The following WDPCP variants were observed in gnomAD, a reference collection of about 807,000 sequenced individuals.
WDPCP encodes WD repeat containing planar cell polarity effector, also known as WD repeat-containing and planar cell polarity effector protein fritz homolog.
Under a neutral mutation model 93.1 loss-of-function variants are expected in WDPCP, and 71 were observed. The observed-to-expected ratio is 0.76, with a 90% CI of 0.63 to 0.93. The LOEUF is 0.93. Among genes scored for constraint, WDPCP ranks in the 40% least tolerant of loss-of-function variants. The pLI is 0.00. For synonymous variants in WDPCP, 315 were observed against 315.0 expected (o/e 1.00, Z 0.00); for missense variants, 844 against 887.4 (o/e 0.95, Z 0.62).
intron 1 of WDPCP, among the ~76,000 whole-genome samples, chr2:63,530,186 G>C (rs1157671050): frequency 6.6e-6 from 1 of 151,988 alleles, no homozygotes; most frequent in East Asian, 1.9e-4. Flanking sequence ...AGGGTTTTTT[G>C]TGTCTCTATC....
intron 2 of WDPCP, among the ~76,000 whole-genome samples, chr2:63,768,712 G>T (rs1189978101): frequency 6.6e-6 from 1 of 152,026 alleles, no homozygotes; most frequent in Non-Finnish European, 1.5e-5. Flanking sequence ...ATAACACAAG[G>T]CATAATTGAA....
intron 3 of WDPCP, among the ~76,000 whole-genome samples, chr2:63,619,730 C>T (rs1169277147): frequency 6.6e-6 from 1 of 152,214 alleles, no homozygotes; most frequent in Non-Finnish European, 1.5e-5. Flanking sequence ...AAGTGGCTGG[C>T]AAGATGGCCA....
intron 2 of WDPCP, among the ~76,000 whole-genome samples, chr2:63,793,566 G>A (rs1558912087): frequency 6.6e-6 from 1 of 152,134 alleles, no homozygotes; most frequent in East Asian, 1.9e-4. Flanking sequence ...AGCTATGATT[G>A]TGCCATTGCA....
At chr2:63,456,982 TGC>T (rs1451280997) in intron 6 of WDPCP, among the ~76,000 whole-genome samples, 1 of 151,992 alleles carries the variant, frequency 6.6e-6, no homozygotes, top group Admixed American at 6.6e-5. Flanking sequence ...GAGCCGAGGT[TGC>T]TCCACTGCAC....
At chr2:63,330,834 C>T (rs921895033) in intron 12 of WDPCP, among the ~76,000 whole-genome samples, 12 of 147,496 alleles carry the variant, frequency 8.1e-5, no homozygotes, top group Non-Finnish European at 1.6e-4. Context: ...TGTGTTTCAT[C>T]CTTAGGATGC....
chr2:63,503,746 T>C (rs1436857461), intron 1 of WDPCP, among the ~76,000 whole-genome samples: 2 of 152,020 alleles, frequency 1.3e-5, no homozygotes, highest in Non-Finnish European at 2.9e-5. Context: ...AGAAAATAAA[T>C]TGAATTTCAG....
chr2:63,666,345 G>A (rs891444068), intron 2 of WDPCP, among the ~76,000 whole-genome samples: 10 of 152,194 alleles, frequency 6.6e-5, no homozygotes, highest in African/African-American at 2.4e-4. Flanking sequence ...TTAGAAGGCT[G>A]ATTTCACTGC....
intron 3 of WDPCP, among the ~76,000 whole-genome samples, chr2:63,635,527 C>T (rs1464294778): frequency 6.6e-6 from 1 of 151,948 alleles, no homozygotes; most frequent in Non-Finnish European, 1.5e-5. Context: ...ACACCATAAT[C>T]AAGTGAGATG....
At chr2:63,501,591 A>C (rs915546140) in intron 1 of WDPCP, among the ~76,000 whole-genome samples, 1 of 152,114 alleles carries the variant, frequency 6.6e-6, no homozygotes, top group African/African-American at 2.4e-5. Flanking sequence ...TTTTAAATGC[A>C]TTAGGCCTCT....
intron 2 of WDPCP, among the ~76,000 whole-genome samples, chr2:63,720,570 C>G (rs929050951): frequency 6.6e-6 from 1 of 152,164 alleles, no homozygotes; most frequent in Non-Finnish European, 1.5e-5. Flanking sequence ...TTTCCACTTA[C>G]CCTCCCCATT....
chr2:63,580,970 C>T (rs1050146494), intron 1 of WDPCP, among the ~76,000 whole-genome samples: 1 of 152,076 alleles, frequency 6.6e-6, no homozygotes, highest in African/African-American at 2.4e-5. Flanking sequence ...AATGTGACAA[C>T]ATGTTTAAAA....
intron 1 of WDPCP, among the ~76,000 whole-genome samples, chr2:63,827,068 T>C (rs189230676): frequency 0.019 from 2,880 of 152,226 alleles, 44 homozygotes; most frequent in Non-Finnish European, 0.026. Context: ...TTGTAAGTCA[T>C]CCTAGAAAGA....
intron 2 of WDPCP, among the ~76,000 whole-genome samples, chr2:63,722,406 C>A (rs1452357199): frequency 2.0e-5 from 3 of 151,206 alleles, no homozygotes; most frequent in African/African-American, 7.3e-5. Context: ...TGAGGAGCAC[C>A]TCTGCCCGGC....
chr2:63,266,146 A>T (rs998945308), intron 13 of WDPCP, among the ~76,000 whole-genome samples: 4 of 152,218 alleles, frequency 2.6e-5, no homozygotes, highest in African/African-American at 9.6e-5. Flanking sequence ...AGCACTGGAA[A>T]TCCTAGCCAG....
chr2:63,303,598 C>T (rs1434964241), intron 13 of WDPCP, among the ~76,000 whole-genome samples: 1 of 152,114 alleles, frequency 6.6e-6, no homozygotes, highest in East Asian at 1.9e-4. Flanking sequence ...AACACATACC[C>T]CTCTGGAGTG....
intron 6 of WDPCP, among the ~76,000 whole-genome samples, chr2:63,445,951 C>T (rs1442954240): frequency 6.6e-6 from 1 of 152,046 alleles, no homozygotes; most frequent in Non-Finnish European, 1.5e-5. Flanking sequence ...CATACTAATT[C>T]CCAATCAGAA....
chr2:63,627,395 CA>C (rs2106634115), intron 3 of WDPCP, among the ~76,000 whole-genome samples: 1 of 152,282 alleles, frequency 6.6e-6, no homozygotes, highest in Non-Finnish European at 1.5e-5. Context: ...ATGATAAAGA[CA>C]GGAGGCAGAG....
At chr2:63,540,468 T>C (rs1006146366) in intron 1 of WDPCP, among the ~76,000 whole-genome samples, 1 of 152,178 alleles carries the variant, frequency 6.6e-6, no homozygotes, top group African/African-American at 2.4e-5. Flanking sequence ...CTTGTTGACA[T>C]AGAAGACCCC....
intron 15 of WDPCP, among the ~76,000 whole-genome samples, chr2:63,166,590 G>A (rs916146371): frequency 4.0e-5 from 6 of 150,342 alleles, no homozygotes; most frequent in South Asian, 2.1e-4. Context: ...ACAGGGTTTC[G>A]CCATATTTGC....
Sources: allele counts gnomAD v4.1 joint callset (sites outside exome capture counted in the v4.1 genomes callset), GRCh38; gene constraint gnomAD v4.1.1; transcripts MANE v1.5; gene names NCBI Gene and HGNC (gene_info 2026-07-23, HGNC 2026-07-21).